LMO2: variants seen among roughly 807,000 people sequenced by gnomAD.
The protein encoded by LMO2 is rhombotin-2.
In LMO2, 20 loss-of-function variants were observed where a neutral mutation model predicts 23.2. That is an observed-to-expected ratio of 0.86 (90% CI 0.61 to 1.25). The LOEUF (loss-of-function observed/expected upper bound fraction) is 1.25. Among genes scored for constraint, LMO2 ranks in the 50% most tolerant of loss-of-function variants. LMO2 has a pLI of 0.00. For synonymous variants in LMO2, 123 were observed against 130.2 expected (o/e 0.94, Z 0.38); for missense variants, 270 against 315.3 (o/e 0.86, Z 1.09).
At chr11:33,881,296 A>C in intron 2 of LMO2, 1 of 456,874 alleles carries the variant, frequency 2.2e-6, no homozygotes, top group South Asian at 1.5e-5. Flanking sequence ...AGAGCTATTA[A>C]CAAATATTCC....
rs1856700451 is a variant in LMO2, at chr11:33,864,549, A to G, written c.464+53T>C. ...CAACACACACCGACTGCAGATGTCCATGGACCACCCAGCCTCCCTTCCGAG... is the reference window on the plus strand; with the variant it reads ...CAACACACACCGACTGCAGATGTCCGTGGACCACCCAGCCTCCCTTCCGAG... On this transcript the variant is annotated intron_variant, in intron 5 of 5. Transcript: ENST00000257818. The surrounding 1 kb of genome is among the most constrained non-coding windows in gnomAD (Gnocchi z 4.8). 1.3e-6 allele frequency: 2 copies of G among 1,495,642 alleles called. No homozygotes were observed. Among genetic ancestry groups the G allele is most frequent in the East Asian group, 2.3e-5 (1 of 43,460 alleles). The allele number at this position is 1,495,642 out of a possible 1,614,324, so 92.6% of individuals were successfully genotyped here.
At chr11:33,859,721 G>C (rs772024293) in intron 5 of LMO2, 146 bp from the exon 6 acceptor site, 189 of 649,824 alleles carry the variant, frequency 2.9e-4, no homozygotes, top group Non-Finnish European at 3.9e-4. Flanking sequence ...GGGCCGGCTA[G>C]TGCAGTCTTC....
chr11:33,891,440 C>T (rs1054923844), intron 1 of LMO2, among the ~76,000 whole-genome samples: 7 of 151,896 alleles, frequency 4.6e-5, no homozygotes, highest in African/African-American at 1.7e-4. Flanking sequence ...ACACAAGCCT[C>T]TCTTTTGGAT....
chr11:33,859,322 G>T lies in LMO2; in HGVS notation c.*34C>A. 2 of 1,540,858 alleles carry T rather than the reference G, an allele frequency of 1.3e-6. No individual in the cohort carries two copies. Among genetic ancestry groups the T allele is most frequent in the South Asian group, 1.1e-5 (1 of 88,900 alleles). ...ATGCCATGGAGACGGCGTCTTCAGTGAACACCTCCCCAAAGATGCCCGGGG... is the reference window on the plus strand; with the variant it reads ...ATGCCATGGAGACGGCGTCTTCAGTTAACACCTCCCCAAAGATGCCCGGGG... On this transcript the variant is annotated 3_prime_UTR_variant, in exon 6 of 6. Coordinates refer to ENST00000257818, the MANE Select transcript of LMO2 (RefSeq NM_005574.4).
intron 5 of LMO2, among the ~76,000 whole-genome samples, chr11:33,863,270 T>C (rs898939275): frequency 1.5e-4 from 23 of 152,304 alleles, no homozygotes; most frequent in Admixed American, 1.3e-4. Context: ...GCATGATCAT[T>C]GCAAAATCCT....
At chr11:33,868,331 T>C (rs1856861072) in intron 4 of LMO2, among the ~76,000 whole-genome samples, 1 of 152,154 alleles carries the variant, frequency 6.6e-6, no homozygotes, top group Non-Finnish European at 1.5e-5. Flanking sequence ...AAAACAAATG[T>C]CTCTTAAAAG....
rs187615610 is a variant in LMO2 at position 33,871,100 on chromosome 11, C to G, written c.-271-1113G>C. 4.8e-5 allele frequency: 47 copies of G among 981,174 alleles called. No individual in the cohort carries two copies. In the Admixed American group the frequency reaches 2.6e-3, roughly 55 times the overall value. 60.8% of individuals were successfully genotyped at this position (981,174 alleles called of 1,614,324 possible). On this transcript the variant is annotated intron_variant, in intron 2 of 5. Coordinates refer to ENST00000257818, the MANE Select transcript of LMO2 (RefSeq NM_005574.4). ...GGATCATAGGCATACATTTCTGTTC[C>G]CATTTTAAGGATAACCAGAGTTTAC...
At chr11:33,861,743 T>C (rs1422322344) in intron 5 of LMO2, among the ~76,000 whole-genome samples, 3 of 152,096 alleles carry the variant, frequency 2.0e-5, no homozygotes, top group African/African-American at 7.2e-5. Flanking sequence ...AGGGAGCTTA[T>C]TAAAGGGAAG....
At chr11:33,868,052 A>G (rs1208957652) in intron 4 of LMO2, among the ~76,000 whole-genome samples, 1 of 152,212 alleles carries the variant, frequency 6.6e-6, no homozygotes, top group African/African-American at 2.4e-5. Context: ...GAATTTGTTG[A>G]AGGAAGTGGG....
At chr11:33,881,045 T>C (rs1275591501) in intron 2 of LMO2, 3 of 378,432 alleles carry the variant, frequency 7.9e-6, no homozygotes, top group Non-Finnish European at 1.6e-5. Context: ...TCTAGATATC[T>C]GCCCTCCTGT....
chr11:33,870,478 C>T (rs1856986428), intron 2 of LMO2: 1 of 978,642 alleles, frequency 1.0e-6, no homozygotes, highest in African/African-American at 1.8e-5. Context: ...GGGCCCCAGG[C>T]TGCGGGCTCC....
chr11:33,869,015 C>T (rs909236105), intron 4 of LMO2, among the ~76,000 whole-genome samples: 1 of 152,262 alleles, frequency 6.6e-6, no homozygotes, highest in Admixed American at 6.5e-5. Flanking sequence ...GCTCTCCGGA[C>T]TGCACCTGCG....
rs1301224925 is a variant in LMO2 at position 33,869,504 on chromosome 11, G to A, written c.90C>T (p.Gly30=). The part of the protein sequence containing the change: ...RRSKRRRRSG[G]DGGGGGGARA... Reference sequence around the variant, plus strand: ...GGGCGCCGCCGCCGCCGCCGCCGTCGCCGCCGCTCCTGCGCCTCCGCTTGC... The same window carrying A: ...GGGCGCCGCCGCCGCCGCCGCCGTCACCGCCGCTCCTGCGCCTCCGCTTGC... Residue 30 remains glycine (G), a synonymous_variant, in exon 4 of 6, where the codon GGC becomes GGT. Transcript: ENST00000257818. The A allele has an allele frequency of 8.3e-7, 1 of 1,200,672 alleles. No homozygotes were observed. Among genetic ancestry groups the A allele is most frequent in the Non-Finnish European group, 1.0e-6 (1 of 963,828 alleles). 74.4% of individuals were successfully genotyped at this position (1,200,672 alleles called of 1,614,324 possible).
chr11:33,891,774 G>A (rs1197986937), intron 1 of LMO2, 21 bp downstream of exon 1: 1 of 152,182 alleles, frequency 6.6e-6, no homozygotes, highest in Non-Finnish European at 1.5e-5. Flanking sequence ...ATTCATCAGA[G>A]AATTAATGAA....
chr11:33,868,089 A>G (rs1366602072), intron 4 of LMO2, among the ~76,000 whole-genome samples: 1 of 152,226 alleles, frequency 6.6e-6, no homozygotes, highest in African/African-American at 2.4e-5. Flanking sequence ...AACCTAGCTC[A>G]TTACAGAACT....
chr11:33,867,172 A>AG, intron 4 of LMO2, among the ~76,000 whole-genome samples: 1 of 152,334 alleles, frequency 6.6e-6, no homozygotes, highest in East Asian at 1.9e-4. Flanking sequence ...TAGCACAGCA[A>AG]GGGAATCTGT....
intron 2 of LMO2, among the ~76,000 whole-genome samples, chr11:33,875,459 T>A (rs1857114536): frequency 2.6e-5 from 4 of 151,074 alleles, no homozygotes; most frequent in Non-Finnish European, 5.9e-5. Context: ...ACGCCTGTAA[T>A]CCCAGCTACC....
chr11:33,869,484 CCGCCGCCGCCGCCGCCGT>C lies in LMO2; in HGVS notation c.92_109del (p.Asp31_Gly36del), dbSNP rs1184430858. The stretch of plus-strand genomic sequence containing the variant: ...TCGGACCCCCTCGGGTGCTCGGGCG[CCGCCGCCGCCGCCGCCGT>C]CGCCGCCGCTCCTGCGCCTCCGCTT... On this transcript the variant is annotated inframe_deletion, in exon 4 of 6. Transcript: ENST00000257818. 9 of 1,182,512 alleles carry C rather than the reference CCGCCGCCGCCGCCGCCGT, an allele frequency of 7.6e-6. No individual in the cohort carries two copies. The South Asian group carries it at 1.9e-4, about 25-fold the overall frequency. The allele number at this position is 1,182,512 out of a possible 1,614,324, so 73.3% of individuals were successfully genotyped here. A position where few individuals can be genotyped will look rare whatever the true frequency, so the allele number is the denominator to read the frequency against.
At chr11:33,868,788 TCC>T (rs1187791825) in intron 4 of LMO2, among the ~76,000 whole-genome samples, 1 of 152,106 alleles carries the variant, frequency 6.6e-6, no homozygotes, top group Non-Finnish European at 1.5e-5. Context: ...GCTCTAGAAA[TCC>T]CTGGAGGCCC....
Sources: allele counts gnomAD v4.1 joint callset (sites outside exome capture counted in the v4.1 genomes callset), GRCh38; gene constraint gnomAD v4.1.1; non-coding constraint Gnocchi (gnomAD v3.1); transcripts MANE v1.5; gene names NCBI Gene and HGNC (gene_info 2026-07-23, HGNC 2026-07-21).